Variants in NELL2 observed in about 807,000 individuals in gnomAD.
The protein encoded by NELL2 is neural EGFL like 2.
A neutral mutation model predicts 109.6 loss-of-function variants in NELL2; 41 were observed. The ratio of observed to expected loss-of-function variants is 0.37; its 90% CI spans 0.29 to 0.49. The LOEUF is 0.49. NELL2 is among the 20% of genes least tolerant of loss of function. The probability of loss-of-function intolerance (pLI) is 0.98; values close to 1 mark genes in which losing one functional copy is unlikely to be tolerated. For missense variants in NELL2, 900 were observed against 1,008.3 expected, an observed-to-expected ratio of 0.89 and a Z score of 1.45; for synonymous variants, 355 against 344.7, an observed-to-expected ratio of 1.03 and a Z score of -0.33.
chr12:44,763,335 T>A (rs1382315931), intron 9 of NELL2, among the ~76,000 whole-genome samples: 1 of 152,206 alleles, frequency 6.6e-6, no homozygotes, highest in Admixed American at 6.5e-5. Context: ...TCCTAATTTG[T>A]GGTCAGGAAA....
chr12:44,860,321 T>C (rs1592667875), intron 2 of NELL2, among the ~76,000 whole-genome samples: 1 of 152,344 alleles, frequency 6.6e-6, no homozygotes, highest in East Asian at 1.9e-4. Flanking sequence ...GGTTATAAAA[T>C]AAATAACTGC....
intron 3 of NELL2, among the ~76,000 whole-genome samples, chr12:44,807,552 A>C (rs559545652): frequency 1.3e-5 from 2 of 152,098 alleles, no homozygotes; most frequent in African/African-American, 4.8e-5. Flanking sequence ...AAGGGAAAAT[A>C]ATAAAGTCAC....
intron 15 of NELL2, among the ~76,000 whole-genome samples, chr12:44,558,871 G>T (rs1316056378): frequency 6.6e-6 from 1 of 152,136 alleles, no homozygotes; most frequent in African/African-American, 2.4e-5. Context: ...GAGCCAAGTG[G>T]TCTAGCTCAG....
intron 2 of NELL2, among the ~76,000 whole-genome samples, chr12:44,850,770 C>T (rs1592652188): frequency 6.6e-6 from 1 of 152,104 alleles, no homozygotes; most frequent in Non-Finnish European, 1.5e-5. Flanking sequence ...ATAGGCAATA[C>T]CATTAAAGCC....
intron 13 of NELL2, among the ~76,000 whole-genome samples, chr12:44,656,312 T>C (rs1397952183): frequency 9.3e-6 from 1 of 107,286 alleles, no homozygotes; most frequent in Non-Finnish European, 2.1e-5. Flanking sequence ...AGAGTAACCG[T>C]ACATCAAGGT....
chr12:44,891,171 T>C (rs1473777656), intron 1 of NELL2, among the ~76,000 whole-genome samples: 1 of 152,170 alleles, frequency 6.6e-6, no homozygotes, highest in Non-Finnish European at 1.5e-5. Context: ...TGTTCTTCAC[T>C]CAGAGGACAC....
At chr12:44,863,873 T>C (rs1286827144) in intron 2 of NELL2, among the ~76,000 whole-genome samples, 1 of 152,026 alleles carries the variant, frequency 6.6e-6, no homozygotes, top group Non-Finnish European at 1.5e-5. Flanking sequence ...AAGGAATACA[T>C]GATATAAAAA....
Position 44,776,104 on chromosome 12 carries a change from C to T in NELL2, c.809G>A (p.Cys270Tyr). 1 of 1,614,086 alleles carries T rather than the reference C, an allele frequency of 6.2e-7. No individual in the cohort carries two copies. The highest frequency in any genetic ancestry group is 1.1e-5 in the South Asian group (1 of 91,074). The change falls in exon 8 of 20, where the codon TGT (cysteine) becomes TAT (tyrosine). Residue 270 changes from cysteine (C) to tyrosine (Y), a missense_variant. Cys to Tyr is a radical substitution (Grantham distance 194). This residue lies in a region of NELL2 where 292 missense variants were observed against 265.3 expected (regional missense o/e 1.10). Transcript: ENST00000429094. Reference protein sequence around the residue: ...QRMNRLDQCYCERTCTMKGTT... With the variant: ...QRMNRLDQCYYERTCTMKGTT... ...TCCCTTCATGGTGCAAGTCCTTTCA[C>T]AATAGCACTGATCCAATCTATTCAT...
intron 15 of NELL2, among the ~76,000 whole-genome samples, chr12:44,599,020 TG>T (rs1368332880): frequency 6.6e-5 from 10 of 152,132 alleles, no homozygotes; most frequent in Non-Finnish European, 1.0e-4. Flanking sequence ...TACAGAATTT[TG>T]AAGTTAAAAA....
chr12:44,788,444 G>C (rs1942261303), intron 3 of NELL2, among the ~76,000 whole-genome samples: 2 of 152,156 alleles, frequency 1.3e-5, no homozygotes, highest in South Asian at 4.1e-4. Context: ...AACTTACCTA[G>C]AGCTGAGTCA....
At chr12:44,521,856 C>T (rs1371927713) in intron 18 of NELL2, 144 bp downstream of exon 18, 7 of 726,428 alleles carry the variant, frequency 9.6e-6, no homozygotes, top group East Asian at 8.0e-5. Context: ...TAACTATCAC[C>T]TCATCATCCT....
chr12:44,816,875 T>C (rs1049851314), intron 2 of NELL2, among the ~76,000 whole-genome samples: 6 of 152,124 alleles, frequency 3.9e-5, no homozygotes, highest in East Asian at 1.9e-4. Flanking sequence ...CCAGATTATA[T>C]GGGGAAACAG....
intron 2 of NELL2, among the ~76,000 whole-genome samples, chr12:44,842,350 T>G (rs1280020890): frequency 2.0e-5 from 3 of 152,148 alleles, no homozygotes; most frequent in South Asian, 4.1e-4. Context: ...GAAAGGACAT[T>G]GTTTTCAATA....
At chr12:44,624,350 AC>A (rs1392883279) in intron 13 of NELL2, among the ~76,000 whole-genome samples, 1 of 151,988 alleles carries the variant, frequency 6.6e-6, no homozygotes, top group Non-Finnish European at 1.5e-5. Context: ...AAAATAATGT[AC>A]CCTTCTCCCC....
intron 2 of NELL2, among the ~76,000 whole-genome samples, chr12:44,872,823 A>G (rs1474203892): frequency 1.3e-5 from 2 of 152,172 alleles, no homozygotes; most frequent in Non-Finnish European, 2.9e-5. Flanking sequence ...GTGTATATGT[A>G]TATACCGTAC....
chr12:44,520,575 G>T (rs1941481533), intron 18 of NELL2, among the ~76,000 whole-genome samples: 1 of 152,098 alleles, frequency 6.6e-6, no homozygotes, highest in Non-Finnish European at 1.5e-5. Flanking sequence ...TTTTGCCCAT[G>T]TGATATCTTT....
intron 2 of NELL2, among the ~76,000 whole-genome samples, chr12:44,840,094 C>T (rs1236737339): frequency 1.3e-5 from 2 of 152,204 alleles, no homozygotes; most frequent in Non-Finnish European, 2.9e-5. Flanking sequence ...TTTGCAGATG[C>T]TGTGCTTTTG....
chr12:44,738,121 C>G (rs979785437), intron 9 of NELL2, among the ~76,000 whole-genome samples: 15 of 152,174 alleles, frequency 9.9e-5, no homozygotes, highest in Admixed American at 6.5e-5. Context: ...GAACATATCT[C>G]TAACACGGCA....
In NELL2 at chr12:44,665,566, A is replaced by G. The variant is rs1947896786; in HGVS notation, c.1362T>C (p.Asn454=). Residue 454 remains asparagine, a synonymous_variant, in exon 13 of 20, where the codon AAT becomes AAC. Transcript: ENST00000429094. ...AACCCGGGGTGTTGACACACATTGTATTTTCACGACAGTAATGGCGCCCTT... is the reference window on the plus strand; with the variant it reads ...AACCCGGGGTGTTGACACACATTGTGTTTTCACGACAGTAATGGCGCCCTT... ...CAEGRHYCRE[N]TMCVNTPGSF... is the part of the protein sequence containing the mutation. The G allele has an allele frequency of 6.2e-7, 1 of 1,613,558 alleles. No individual in the cohort carries two copies.
Sources: gnomAD v4.1 joint callset for allele counts (sites outside exome capture counted in the v4.1 genomes callset) on GRCh38, gnomAD v4.1.1 for gene constraint, gnomAD v4.1.1 regional missense constraint, MANE v1.5 for transcripts, NCBI Gene and HGNC (gene_info 2026-07-23, HGNC 2026-07-21) for gene names.